The following ROS1 variants were observed in gnomAD, a reference collection of about 807,000 sequenced individuals.
ROS1 encodes proto-oncogene tyrosine-protein kinase ROS.
ROS1 carries 263 observed loss-of-function variants against 273.5 expected under a neutral mutation model. The ratio of observed to expected loss-of-function variants is 0.96; its 90% CI spans 0.87 to 1.06. ROS1 has a LOEUF of 1.06. ROS1 is among the 50% of genes least tolerant of loss of function. ROS1 has a pLI of 0.00. For missense variants in ROS1, 2,833 were observed against 2,751.1 expected, an observed-to-expected ratio of 1.03 and a Z score of -0.67; for synonymous variants, 1,008 against 954.1, an observed-to-expected ratio of 1.06 and a Z score of -1.04.
chr6:117,353,037 C>G lies in ROS1; in HGVS notation c.4256G>C (p.Arg1419Thr), dbSNP rs2128637865. 1 of 1,614,188 alleles carries G rather than the reference C, an allele frequency of 6.2e-7. No individual in the cohort carries two copies. The highest frequency in any genetic ancestry group is 1.3e-5 in the African/African-American group (1 of 75,068). Residue 1419 changes from arginine to threonine, a missense_variant, in exon 27 of 44, where the codon AGG becomes ACG. Transcript: ENST00000368507. ...ACTGTAAGCCAAGATATGCCTACTC[C>G]TTAGGGCCTTCACCTGGGAAACGAT... is the stretch of plus-strand genomic sequence containing the variant. ...GAIVSQVKAL[R>T]SRHILAYSSV...
At chr6:117,317,066 TA>T in intron 39 of ROS1, 76 bp downstream of exon 39, 1 of 1,473,982 alleles carries the variant, frequency 6.8e-7, no homozygotes, top group Non-Finnish European at 9.2e-7. Context: ...TGCAGCCTAT[TA>T]AATTTAAAGA....
intron 26 of ROS1, among the ~76,000 whole-genome samples, chr6:117,356,147 C>G (rs1779288175): frequency 1.3e-5 from 2 of 152,254 alleles, no homozygotes; most frequent in African/African-American, 4.8e-5. Flanking sequence ...AAAGTGGAAT[C>G]TATGGGATCA....
At chr6:117,360,273 G>GACAGACAC (rs1779679535) in intron 23 of ROS1, 69 bp downstream of exon 23, 1 of 762,284 alleles carries the variant, frequency 1.3e-6, no homozygotes, top group African/African-American at 1.8e-5. Flanking sequence ...ACACCAATGG[G>GACAGACAC]ACACACACAC....
At chr6:117,379,846 G>T (rs1283948757) in intron 17 of ROS1, among the ~76,000 whole-genome samples, 1 of 152,062 alleles carries the variant, frequency 6.6e-6, no homozygotes, top group Non-Finnish European at 1.5e-5. Flanking sequence ...CATACACAAA[G>T]GATGTTTATG....
At chr6:117,303,797 G>A (rs1465092936) in intron 42 of ROS1, among the ~76,000 whole-genome samples, 3 of 152,156 alleles carry the variant, frequency 2.0e-5, no homozygotes, top group South Asian at 2.1e-4. Flanking sequence ...GATAATGATG[G>A]TGTGGACTGA....
At chr6:117,293,552 G>C (rs898024803) in intron 43 of ROS1, among the ~76,000 whole-genome samples, 1 of 151,956 alleles carries the variant, frequency 6.6e-6, no homozygotes, top group African/African-American at 2.4e-5. Flanking sequence ...TTTTTAGACT[G>C]CTTAAGTAAT....
intron 39 of ROS1, among the ~76,000 whole-genome samples, chr6:117,315,271 T>C (rs552503312): frequency 6.6e-6 from 1 of 151,462 alleles, no homozygotes; most frequent in Non-Finnish European, 1.5e-5. Flanking sequence ...AATGAGAAGA[T>C]GAAACAAAGC....
chr6:117,330,742 G>A (rs991852699), intron 32 of ROS1, among the ~76,000 whole-genome samples: 3 of 152,084 alleles, frequency 2.0e-5, no homozygotes, highest in African/African-American at 7.2e-5. Context: ...AGAGGGAAGT[G>A]ACTATTGAAA....
chr6:117,405,584 G>A (rs2128728629), intron 5 of ROS1, among the ~76,000 whole-genome samples: 1 of 151,978 alleles, frequency 6.6e-6, no homozygotes, highest in South Asian at 2.1e-4. Context: ...GAACTGGGCA[G>A]ATGTGATCAG....
intron 34 of ROS1, among the ~76,000 whole-genome samples, chr6:117,324,719 A>G (rs1268016518): frequency 2.0e-5 from 3 of 152,176 alleles, no homozygotes; most frequent in African/African-American, 7.2e-5. Context: ...TTTAGGACCA[A>G]GAAATCTCAG....
At chr6:117,396,451 C>T (rs780826965) in intron 8 of ROS1, among the ~76,000 whole-genome samples, 187 bp from the exon 9 acceptor site, 11 of 152,158 alleles carry the variant, frequency 7.2e-5, no homozygotes, top group Non-Finnish European at 1.6e-4. Flanking sequence ...TCCCCTAGAA[C>T]AGTTCAGGGT....
In ROS1 at chr6:117,337,986, C is replaced by G. The variant is rs186159608; in HGVS notation, c.5062-646G>C. 1.4e-3 allele frequency among the ~76,000 whole-genome samples: 216 copies of G among 152,216 alleles called. 4 individuals carry two copies. The highest frequency in any genetic ancestry group is 1.3e-4 in the Non-Finnish European group (9 of 67,994). ...TACAGAAAATCTTGTTTTCATTCCA[C>G]TTTAGATATTGGGCCTCTAATTGCA... On this transcript the variant is annotated intron_variant, in intron 31 of 43. Coordinates refer to ENST00000368507, the MANE Select transcript of ROS1 (RefSeq NM_001378902.1).
At chr6:117,419,960 C>A (rs1775628868) in intron 1 of ROS1, among the ~76,000 whole-genome samples, 1 of 152,144 alleles carries the variant, frequency 6.6e-6, no homozygotes, top group Admixed American at 6.6e-5. Context: ...AATCTCCACT[C>A]ATTCCCCATT....
At chr6:117,292,103 G>A (rs1302083550) in intron 43 of ROS1, among the ~76,000 whole-genome samples, 1 of 151,678 alleles carries the variant, frequency 6.6e-6, no homozygotes. Flanking sequence ...TCTAGTAGTT[G>A]GGAATACAGG....
intron 5 of ROS1, among the ~76,000 whole-genome samples, chr6:117,406,682 A>C (rs1774430847): frequency 6.6e-6 from 1 of 152,198 alleles, no homozygotes. Flanking sequence ...CCCTGAACCA[A>C]AAGAATTCTC....
chr6:117,328,382 T>C (rs956467019), intron 33 of ROS1: 2 of 284,302 alleles, frequency 7.0e-6, no homozygotes, highest in Non-Finnish European at 1.3e-5. Flanking sequence ...TGTGACCTGA[T>C]TGATGAACAT....
chr6:117,350,651 C>A (rs1477930527), intron 27 of ROS1, among the ~76,000 whole-genome samples: 1 of 150,740 alleles, frequency 6.6e-6, no homozygotes, highest in East Asian at 1.9e-4. Context: ...GTGTAGTTTC[C>A]CCACAGTTCT....
intron 18 of ROS1, among the ~76,000 whole-genome samples, chr6:117,376,623 G>A (rs1398429525): frequency 6.6e-6 from 1 of 151,908 alleles, no homozygotes. Context: ...CACTAGTAAT[G>A]AACATTTAGA....
At chr6:117,323,474 G>A (rs535052763) in intron 35 of ROS1, among the ~76,000 whole-genome samples, 1 of 152,178 alleles carries the variant, frequency 6.6e-6, no homozygotes, top group Admixed American at 6.5e-5. Flanking sequence ...TTTCTGGTAA[G>A]AATCATGCCC....
Sources: gnomAD v4.1 joint callset for allele counts (sites outside exome capture counted in the v4.1 genomes callset) on GRCh38, gnomAD v4.1.1 for gene constraint, MANE v1.5 for transcripts, NCBI Gene and HGNC (gene_info 2026-07-23, HGNC 2026-07-21) for gene names.